The following KCNIP4 variants were observed in gnomAD, a reference collection of about 807,000 sequenced individuals.
KCNIP4 encodes the protein Kv channel-interacting protein 4.
A neutral mutation model predicts 34.0 loss-of-function variants in KCNIP4; 12 were observed. The observed-to-expected ratio is 0.35, with a 90% CI of 0.23 to 0.57. KCNIP4 has a LOEUF of 0.57. Ranked by LOEUF, KCNIP4 falls within the 20% of genes least tolerant of loss-of-function variation. The pLI, the probability that KCNIP4 is intolerant of heterozygous loss-of-function variation, is 0.83. For synonymous variants in KCNIP4, 124 were observed against 102.2 expected (o/e 1.21, Z -1.29); for missense variants, 238 against 311.7 (o/e 0.76, Z 1.78).
chr4:21,715,331 C>T (rs547821055), intron 1 of KCNIP4, among the ~76,000 whole-genome samples: 3 of 152,028 alleles, frequency 2.0e-5, no homozygotes, highest in Admixed American at 6.6e-5. Flanking sequence ...GGGGTTTCAC[C>T]GTGTTGGCCA....
intron 1 of KCNIP4, among the ~76,000 whole-genome samples, chr4:21,079,905 G>A (rs1745852439): frequency 6.6e-6 from 1 of 151,830 alleles, no homozygotes; most frequent in East Asian, 1.9e-4. Flanking sequence ...TCTAGAAGCT[G>A]TGAAAGGCAA....
intron 1 of KCNIP4, among the ~76,000 whole-genome samples, chr4:21,628,432 A>G (rs907848287): frequency 6.6e-6 from 1 of 152,176 alleles, no homozygotes; most frequent in Non-Finnish European, 1.5e-5. Context: ...GTCCTAGCAC[A>G]TGCTGGTACT....
At chr4:20,976,905 A>T (rs1735547479) in intron 1 of KCNIP4, among the ~76,000 whole-genome samples, 1 of 151,864 alleles carries the variant, frequency 6.6e-6, no homozygotes, top group South Asian at 2.1e-4. Context: ...GTGATCTTGG[A>T]TCACTGTATC....
intron 1 of KCNIP4, among the ~76,000 whole-genome samples, chr4:21,687,730 G>A (rs1027622560): frequency 2.6e-5 from 4 of 152,020 alleles, no homozygotes; most frequent in African/African-American, 7.2e-5. Context: ...TAGTTTTGGT[G>A]ACCCTCTCTG....
chr4:20,967,617 A>G (rs767132459), intron 1 of KCNIP4, among the ~76,000 whole-genome samples: 1 of 152,206 alleles, frequency 6.6e-6, no homozygotes, highest in South Asian at 2.1e-4. Flanking sequence ...GGCCTCAGAA[A>G]TAACACCGTA....
At chr4:21,920,180 G>C (rs780292124) in intron 1 of KCNIP4, among the ~76,000 whole-genome samples, 5 of 152,190 alleles carry the variant, frequency 3.3e-5, no homozygotes, top group Non-Finnish European at 7.4e-5. Context: ...AATATGCAAA[G>C]GGTCAAATCA....
intron 1 of KCNIP4, among the ~76,000 whole-genome samples, chr4:21,588,679 G>A (rs994784808): frequency 5.9e-5 from 9 of 151,826 alleles, no homozygotes; most frequent in Admixed American, 5.3e-4. Context: ...AAAATTAGCT[G>A]GTAATGGAAG....
chr4:21,839,768 AG>A (rs962243923), intron 1 of KCNIP4, among the ~76,000 whole-genome samples: 4 of 152,214 alleles, frequency 2.6e-5, no homozygotes, highest in African/African-American at 7.2e-5. Flanking sequence ...AAAAAAGAGA[AG>A]AAATAGTGTG....
At chr4:20,969,525 CT>C (rs1162361128) in intron 1 of KCNIP4, among the ~76,000 whole-genome samples, 4 of 151,370 alleles carry the variant, frequency 2.6e-5, no homozygotes, top group Non-Finnish European at 5.9e-5. Context: ...TTGTGTGTCC[CT>C]TTTGACATGC....
intron 3 of KCNIP4, among the ~76,000 whole-genome samples, chr4:20,796,233 C>G (rs893749705): frequency 3.3e-5 from 5 of 152,178 alleles, no homozygotes; most frequent in African/African-American, 7.2e-5. Flanking sequence ...CTCAAACATT[C>G]TGAATCTCTT....
rs199814602 is a variant in KCNIP4, at chr4:20,908,160, C to T, written c.62-25451G>A. Among the ~76,000 whole-genome samples the T allele has an allele frequency of 2.7e-4, 39 of 146,950 alleles. No individual in the cohort carries two copies. The East Asian group carries it at 4.4e-3, about 17-fold the overall frequency. ...TGTGGCCCAGGCTAGAGTGCAATGGCGCCATCTCGGCTCACTGCAACTTCC... is the reference window on the plus strand; with the variant it reads ...TGTGGCCCAGGCTAGAGTGCAATGGTGCCATCTCGGCTCACTGCAACTTCC... On this transcript the variant is annotated intron_variant, in intron 1 of 8. Transcript: ENST00000382152.
intron 1 of KCNIP4, among the ~76,000 whole-genome samples, chr4:21,048,939 T>A (rs1742670200): frequency 6.7e-6 from 1 of 148,342 alleles, no homozygotes; most frequent in South Asian, 2.1e-4. Context: ...GTACCTTCTG[T>A]TTATCTTTTT....
At chr4:20,897,373 T>G (rs1004385596) in intron 1 of KCNIP4, among the ~76,000 whole-genome samples, 3 of 152,132 alleles carry the variant, frequency 2.0e-5, no homozygotes, top group Non-Finnish European at 4.4e-5. Flanking sequence ...CAGGTCTTTA[T>G]TCCCTTGCCA....
At chr4:21,537,289 A>T (rs1577553792) in intron 1 of KCNIP4, among the ~76,000 whole-genome samples, 1 of 152,168 alleles carries the variant, frequency 6.6e-6, no homozygotes, top group African/African-American at 2.4e-5. Context: ...CAGTACAAGC[A>T]TACTGTTGAG....
intron 1 of KCNIP4, among the ~76,000 whole-genome samples, chr4:20,905,700 A>T (rs1233518187): frequency 3.4e-5 from 5 of 148,786 alleles, no homozygotes; most frequent in Non-Finnish European, 4.5e-5. Context: ...TTTTTTTTTT[A>T]AAGTAGAGAT....
At chr4:21,325,661 T>G (rs1247566237) in intron 1 of KCNIP4, among the ~76,000 whole-genome samples, 2 of 151,940 alleles carry the variant, frequency 1.3e-5, no homozygotes, top group African/African-American at 4.8e-5. Context: ...GCTCTTGCTC[T>G]TCTAGCTCTT....
intron 1 of KCNIP4, among the ~76,000 whole-genome samples, chr4:21,138,375 C>G (rs376703854): frequency 6.6e-6 from 1 of 152,218 alleles, no homozygotes; most frequent in African/African-American, 2.4e-5. Context: ...TTTTCAAACA[C>G]AAATATGCTT....
chr4:21,735,399 T>A (rs886901329), intron 1 of KCNIP4, among the ~76,000 whole-genome samples: 7 of 152,192 alleles, frequency 4.6e-5, no homozygotes, highest in Non-Finnish European at 8.8e-5. Context: ...CTTCATTGCA[T>A]CCTAATTATT....
At chr4:20,777,282 C>G (rs992177736) in intron 3 of KCNIP4, among the ~76,000 whole-genome samples, 23 of 152,168 alleles carry the variant, frequency 1.5e-4, no homozygotes, top group African/African-American at 4.8e-4. Flanking sequence ...TGAGAACTCA[C>G]TCACTATCAT....
Sources: allele counts gnomAD v4.1 joint callset (sites outside exome capture counted in the v4.1 genomes callset), GRCh38; gene constraint gnomAD v4.1.1; transcripts MANE v1.5; gene names NCBI Gene and HGNC (gene_info 2026-07-23, HGNC 2026-07-21).